DENND2B: variants seen among roughly 807,000 people sequenced by gnomAD.
DENND2B encodes DENN domain containing 2B, also known as DENN domain-containing protein 2B.
In DENND2B, 32 loss-of-function variants were observed where a neutral mutation model predicts 116.0. The observed-to-expected ratio is 0.28, with a 90% CI of 0.21 to 0.37. The LOEUF (loss-of-function observed/expected upper bound fraction) is 0.37, where lower values mean the gene tolerates loss of function less well. Among genes scored for constraint, DENND2B ranks in the 10% least tolerant of loss-of-function variants. The pLI is 1.00. For missense variants in DENND2B, 1,276 were observed against 1,477.7 expected, an observed-to-expected ratio of 0.86 and a Z score of 2.24; for synonymous variants, 588 against 583.9, an observed-to-expected ratio of 1.01 and a Z score of -0.10.
chr11:8,708,466 A>C (rs1247367300), intron 11 of DENND2B: 3 of 429,170 alleles, frequency 7.0e-6, no homozygotes, highest in African/African-American at 6.5e-5. Context: ...TAGATGAGGC[A>C]ACTGAGTTCA....
chr11:8,729,862 C>T, intron 3 of DENND2B, 88 bp downstream of exon 3: 9 of 1,514,840 alleles, frequency 5.9e-6, no homozygotes, highest in South Asian at 1.3e-5. Flanking sequence ...CTAATGACTG[C>T]GACCCATCCT....
At chr11:8,902,325 CAAA>C (rs71059192) in intron 1 of DENND2B, among the ~76,000 whole-genome samples, 38 of 128,004 alleles carry the variant, frequency 3.0e-4, no homozygotes, top group Middle Eastern at 4.1e-3. Flanking sequence ...GACTCCATCT[CAAA>C]AAAAAAAAAA....
At chr11:8,873,566 G>A (rs1203935276), upstream of DENND2B, among the ~76,000 whole-genome samples, 1 of 152,126 alleles carries the variant, frequency 6.6e-6, no homozygotes. Flanking sequence ...ATCAGAAATG[G>A]TGTTAATGCT....
intron 2 of DENND2B, among the ~76,000 whole-genome samples, chr11:8,862,364 C>CT (rs1227928662): frequency 4.9e-5 from 6 of 123,686 alleles, no homozygotes; most frequent in Admixed American, 1.0e-4. Context: ...GGGTCTCACT[C>CT]TGTCATCCAG....
intron 14 of DENND2B, chr11:8,699,884 C>T (rs1367852851): frequency 2.2e-6 from 1 of 456,446 alleles, no homozygotes; most frequent in South Asian, 1.5e-5. Context: ...AGAGGCAGAC[C>T]CCAGGCAGAA....
chr11:8,873,161 T>C (rs1284204927), upstream of DENND2B, among the ~76,000 whole-genome samples: 1 of 152,216 alleles, frequency 6.6e-6, no homozygotes, highest in East Asian at 1.9e-4. Flanking sequence ...TATTAGAACC[T>C]CTACTACTAA....
intron 1 of DENND2B, among the ~76,000 whole-genome samples, chr11:8,779,570 T>C (rs1593574847): frequency 6.7e-6 from 1 of 149,016 alleles, no homozygotes; most frequent in African/African-American, 2.5e-5. Context: ...TGCAGTACAA[T>C]GGTGGAATCT....
At chr11:8,699,183 T>TCC (rs775197393) in intron 15 of DENND2B, 30 bp downstream of exon 15, 1 of 1,535,312 alleles carries the variant, frequency 6.5e-7, no homozygotes, top group Middle Eastern at 2.3e-4. Context: ...CCTCCACCCT[T>TCC]CCCCCCAGCT....
At chr11:8,694,973 G>C (rs867948505) in intron 19 of DENND2B, among the ~76,000 whole-genome samples, 3 of 152,120 alleles carry the variant, frequency 2.0e-5, no homozygotes, top group Non-Finnish European at 4.4e-5. Flanking sequence ...GAGGAGGGAG[G>C]ATCACGTGAG....
chr11:8,810,984 A>T (rs986017086), upstream of DENND2B: 11 of 272,322 alleles, frequency 4.0e-5, no homozygotes, highest in Non-Finnish European at 6.1e-5. Flanking sequence ...AGAGGGGAGA[A>T]GGGAGAAGAC....
chr11:8,873,365 A>G (rs2063812007), upstream of DENND2B, among the ~76,000 whole-genome samples: 1 of 152,226 alleles, frequency 6.6e-6, no homozygotes, highest in Admixed American at 6.5e-5. Flanking sequence ...GGCCAATTCC[A>G]TTGTAAGTTA....
At chr11:8,909,363 T>G (rs1046996435) in intron 1 of DENND2B, among the ~76,000 whole-genome samples, 23 of 151,836 alleles carry the variant, frequency 1.5e-4, no homozygotes, top group African/African-American at 5.6e-4. Context: ...TACCCTCGTT[T>G]CTTTATTAAA....
At chr11:8,894,576 A>C (rs1347313516) in intron 1 of DENND2B, among the ~76,000 whole-genome samples, 2 of 152,178 alleles carry the variant, frequency 1.3e-5, no homozygotes, top group Non-Finnish European at 2.9e-5. Flanking sequence ...ACCCCATCAA[A>C]AAGTGGGCAA....
rs548472912 is a variant in DENND2B, at chr11:8,738,807, T to G, written c.81-7598A>C. On this transcript the variant is annotated intron_variant, in intron 2 of 19. Transcript: ENST00000313726. ...ACCCCATGAGCTGGTCCCTGCCTAC[T>G]TTCCCCTTCATTATCCCACATTGTT... Among the ~76,000 whole-genome samples, 10 of 152,326 alleles carry G rather than the reference T, an allele frequency of 6.6e-5. No homozygotes were observed. The East Asian group carries it at 1.7e-3, about 26-fold the overall frequency.
chr11:8,754,029 G>GCGCGCGCGCGCGCACACACA (rs146486674), intron 1 of DENND2B, among the ~76,000 whole-genome samples: 8 of 138,830 alleles, frequency 5.8e-5, no homozygotes, highest in African/African-American at 1.9e-4. Context: ...CCAAAAGCGC[G>GCGCGCGCGCGCGCACACACA]CACACACACA....
intron 4 of DENND2B, among the ~76,000 whole-genome samples, chr11:8,819,173 T>C (rs1472693638): frequency 6.6e-6 from 1 of 152,064 alleles, no homozygotes; most frequent in Non-Finnish European, 1.5e-5. Flanking sequence ...GACAGGAAGA[T>C]CGCTTGAGCT....
intron 8 of DENND2B, among the ~76,000 whole-genome samples, chr11:8,713,662 G>T (rs1430389194): frequency 6.6e-6 from 1 of 151,644 alleles, no homozygotes; most frequent in Non-Finnish European, 1.5e-5. Context: ...TTACAGGCAT[G>T]AGCCACCGCG....
At chr11:8,768,639 G>C (rs1270947979) in intron 1 of DENND2B, 1 of 152,172 alleles carries the variant, frequency 6.6e-6, no homozygotes, top group Non-Finnish European at 1.5e-5. Flanking sequence ...CCCTTTAGTA[G>C]ATGTGACTAG....
chr11:8,785,937 T>C (rs1389909202), intron 1 of DENND2B, among the ~76,000 whole-genome samples: 5 of 152,228 alleles, frequency 3.3e-5, no homozygotes. Flanking sequence ...GTCAATCCTT[T>C]TACCTGTTTT....
Sources: allele counts gnomAD v4.1 joint callset (sites outside exome capture counted in the v4.1 genomes callset), GRCh38; gene constraint gnomAD v4.1.1; transcripts MANE v1.5; gene names NCBI Gene and HGNC (gene_info 2026-07-23, HGNC 2026-07-21).